Variants in OCA2 observed in about 807,000 individuals in gnomAD.
OCA2 encodes the protein OCA2 melanosomal transmembrane protein, also known as P protein.
Under a neutral mutation model 100.2 loss-of-function variants are expected in OCA2, and 77 were observed. The ratio of observed to expected loss-of-function variants is 0.77; its 90% CI spans 0.64 to 0.93. OCA2 has a LOEUF of 0.93. Ranked by LOEUF, OCA2 falls within the 40% of genes least tolerant of loss-of-function variation. The pLI, the probability that OCA2 is intolerant of heterozygous loss-of-function variation, is 0.00. For missense variants in OCA2, 1,062 were observed against 1,089.1 expected, an observed-to-expected ratio of 0.98 and a Z score of 0.35; for synonymous variants, 432 against 439.2, an observed-to-expected ratio of 0.98 and a Z score of 0.21.
At chr15:27,849,512 A>G (rs2035668074) in intron 22 of OCA2, among the ~76,000 whole-genome samples, 1 of 148,970 alleles carries the variant, frequency 6.7e-6, no homozygotes, top group South Asian at 2.1e-4. Flanking sequence ...TGAAAAGAGC[A>G]ACCAAAAAAT....
chr15:27,840,440 T>C (rs1490133892), intron 23 of OCA2, among the ~76,000 whole-genome samples: 3 of 152,214 alleles, frequency 2.0e-5, no homozygotes, highest in African/African-American at 4.8e-5. Context: ...GATACCAGTA[T>C]TTTTAGGGTA....
At chr15:27,743,232 A>G in the OCA2 span, among the ~76,000 whole-genome samples, 2 of 152,126 alleles carry the variant, frequency 1.3e-5, no homozygotes, top group African/African-American at 4.8e-5. Context: ...GCAAGAGGAA[A>G]TCTGAATGGC....
At chr15:27,739,195 G>T in the OCA2 span, among the ~76,000 whole-genome samples, 1 of 152,158 alleles carries the variant, frequency 6.6e-6, no homozygotes, top group Non-Finnish European at 1.5e-5. Flanking sequence ...AATAGGAAAT[G>T]ATTTCTTAAA....
chr15:27,793,152 T>C (rs1209547332), intron 23 of OCA2, among the ~76,000 whole-genome samples: 2 of 152,226 alleles, frequency 1.3e-5, no homozygotes, highest in Non-Finnish European at 2.9e-5. Context: ...CACAGATCAA[T>C]GGGGCTTGGC....
chr15:27,863,578 C>A (rs1262634492), intron 21 of OCA2, among the ~76,000 whole-genome samples: 1 of 152,112 alleles, frequency 6.6e-6, no homozygotes, highest in Non-Finnish European at 1.5e-5. Context: ...GCCCAAGCCC[C>A]ATCTGAGGGT....
chr15:28,080,409 A>G lies in OCA2; in HGVS notation c.227+1239T>C, dbSNP rs185701906. On this transcript the variant is annotated intron_variant, in intron 2 of 23. Coordinates refer to ENST00000354638, the MANE Select transcript of OCA2 (RefSeq NM_000275.3). ...AACATGTATTAATGGTAGCATATTC[A>G]CATAATGAAATTCTATGCAAGGAGT... Among the ~76,000 whole-genome samples, 63 of 152,378 alleles carry G rather than the reference A, an allele frequency of 4.1e-4. No individual in the cohort carries two copies. In the East Asian group the frequency reaches 7.5e-3, roughly 18 times the overall value.
chr15:27,733,430 C>T, the OCA2 span, among the ~76,000 whole-genome samples: 4 of 152,176 alleles, frequency 2.6e-5, no homozygotes, highest in African/African-American at 9.7e-5. Flanking sequence ...AGTCTGTCAG[C>T]CACCCACGGC....
intron 23 of OCA2, among the ~76,000 whole-genome samples, chr15:27,788,207 T>A (rs1032561281): frequency 3.3e-5 from 5 of 152,092 alleles, no homozygotes; most frequent in African/African-American, 1.2e-4. Flanking sequence ...TCTGCCTTTG[T>A]TGGGTTGACT....
intron 18 of OCA2, among the ~76,000 whole-genome samples, chr15:27,942,022 A>T (rs1241890055): frequency 3.9e-5 from 6 of 152,080 alleles, no homozygotes; most frequent in Non-Finnish European, 7.3e-5. Context: ...TGCTGGTGAA[A>T]GTGTGGAGAA....
intron 18 of OCA2, among the ~76,000 whole-genome samples, chr15:27,941,585 C>T (rs367882638): frequency 6.6e-6 from 1 of 152,110 alleles, no homozygotes; most frequent in Non-Finnish European, 1.5e-5. Context: ...TAAAAGGAGA[C>T]CGCAACCAAC....
intron 23 of OCA2, among the ~76,000 whole-genome samples, chr15:27,842,844 A>T (rs553154060): frequency 1.3e-5 from 2 of 152,312 alleles, no homozygotes; most frequent in South Asian, 4.1e-4. Context: ...ACACACGCAT[A>T]GGTGTGTCAC....
At chr15:27,856,538 C>T (rs1358286246) in intron 21 of OCA2, among the ~76,000 whole-genome samples, 2 of 152,060 alleles carry the variant, frequency 1.3e-5, no homozygotes, top group Non-Finnish European at 2.9e-5. Context: ...CCTTGTCCTC[C>T]AAAAACTGAG....
chr15:28,021,166 G>A (rs911617627), intron 6 of OCA2, among the ~76,000 whole-genome samples: 10 of 152,082 alleles, frequency 6.6e-5, no homozygotes, highest in African/African-American at 2.2e-4. Context: ...GCACTGCATC[G>A]GAGGGTCCCA....
chr15:28,027,887 G>A lies in OCA2; in HGVS notation c.499C>T (p.Arg167Cys), dbSNP rs1429075390. 4 of 1,613,250 alleles carry A rather than the reference G, an allele frequency of 2.5e-6. No homozygotes were observed. The highest frequency in any genetic ancestry group is 3.4e-6 in the Non-Finnish European group (4 of 1,180,026). Reference sequence around the variant, plus strand: ...TCCGCCTACCTCAGCTTGGAAAGACGGAGTCGGATGTGCGGGCTGTCCAGA... The same window carrying A: ...TCCGCCTACCTCAGCTTGGAAAGACAGAGTCGGATGTGCGGGCTGTCCAGA... ...DLLDSPHIRL[R>C]LSKLRRCVQW... is the part of the protein sequence containing the mutation. The change falls in exon 4 of 24, where the codon CGT (arginine) becomes TGT (cysteine). Residue 167 changes from arginine to cysteine, a missense_variant. Coordinates refer to ENST00000354638, the MANE Select transcript of OCA2 (RefSeq NM_000275.3).
At chr15:27,730,732 A>AATATATTTTTATATAT in the OCA2 span, among the ~76,000 whole-genome samples, 25 of 102,014 alleles carry the variant, frequency 2.5e-4, no homozygotes, top group African/African-American at 8.3e-4. Context: ...AAAAAGACCA[A>AATATATTTTTATATAT]ATATATATAT....
chr15:28,084,228 C>T (rs560060425), intron 1 of OCA2, among the ~76,000 whole-genome samples: 4 of 152,354 alleles, frequency 2.6e-5, no homozygotes, highest in Non-Finnish European at 5.9e-5. Context: ...TGATCTGAGA[C>T]TTCACAGCCT....
chr15:27,889,867 A>G (rs1480579130), intron 19 of OCA2, among the ~76,000 whole-genome samples: 1 of 152,006 alleles, frequency 6.6e-6, no homozygotes, highest in East Asian at 1.9e-4. Context: ...CTGACTCATC[A>G]CCTCCCAGAG....
At chr15:27,968,054 G>C (rs1001636672) in intron 14 of OCA2, among the ~76,000 whole-genome samples, 2 of 141,230 alleles carry the variant, frequency 1.4e-5, no homozygotes, top group South Asian at 4.6e-4. Context: ...CTGCTCTTTC[G>C]CTGACGTCCT....
intron 2 of OCA2, among the ~76,000 whole-genome samples, chr15:28,057,211 G>GA (rs1301735873): frequency 6.6e-6 from 1 of 152,206 alleles, no homozygotes; most frequent in African/African-American, 2.4e-5. Flanking sequence ...TGAATACATT[G>GA]AAGAAAGCAC....
Sources: gnomAD v4.1 joint callset for allele counts (sites outside exome capture counted in the v4.1 genomes callset) on GRCh38, gnomAD v4.1.1 for gene constraint, MANE v1.5 for transcripts, NCBI Gene and HGNC (gene_info 2026-07-23, HGNC 2026-07-21) for gene names.